The following C3orf85 variants were observed in gnomAD, a reference collection of about 807,000 sequenced individuals.
The protein encoded by C3orf85 is uncharacterized protein C3orf85.
A neutral mutation model predicts 1.7 loss-of-function variants in C3orf85; 1 was observed. That is an observed-to-expected ratio of 0.60 (90% CI 0.21 to 2.86). C3orf85 has a LOEUF of 2.86. C3orf85 is among the 30% of genes most tolerant of loss of function. The pLI is 0.22. For missense variants in C3orf85, 29 were observed against 21.3 expected (o/e 1.36, Z -0.72); for synonymous variants, 17 against 8.0 (o/e 2.13, Z -1.90).
intron 2 of C3orf85, among the ~76,000 whole-genome samples, chr3:109,137,986 G>T (rs910104355): frequency 1.3e-5 from 2 of 152,074 alleles, no homozygotes; most frequent in Admixed American, 6.6e-5. Flanking sequence ...TTTAGAGGGG[G>T]TAACGGTGGT....
chr3:109,147,682 T>C (rs1706815466), intron 2 of C3orf85, among the ~76,000 whole-genome samples: 1 of 152,116 alleles, frequency 6.6e-6, no homozygotes, highest in African/African-American at 2.4e-5. Flanking sequence ...TTCGATTTGA[T>C]GGTGAATTGA....
chr3:109,144,872 G>GA lies in C3orf85; in HGVS notation c.50-3374dup, dbSNP rs926964189. On this transcript the variant is annotated intron_variant, in intron 2 of 3. Coordinates refer to ENST00000622536, the MANE Select transcript of C3orf85 (RefSeq NM_001351622.2). ...TTTGCACAGCCACTAATTTTGTTTT[G>GA]AAAAAAACACCTATTTATTAACAGA... 1.4e-4 allele frequency among the ~76,000 whole-genome samples: 21 copies of GA among 151,898 alleles called. No homozygotes were observed. The South Asian group carries it at 3.5e-3, about 26-fold the overall frequency.
chr3:109,137,570 TTA>T (rs1387008760), intron 2 of C3orf85, among the ~76,000 whole-genome samples: 1 of 148,464 alleles, frequency 6.7e-6, no homozygotes, highest in Non-Finnish European at 1.5e-5. Flanking sequence ...TGCACAAAAA[TTA>T]TATTTTTCCT....
intron 2 of C3orf85, among the ~76,000 whole-genome samples, chr3:109,145,211 A>C (rs1706785087): frequency 6.6e-6 from 1 of 152,142 alleles, no homozygotes; most frequent in Non-Finnish European, 1.5e-5. Context: ...CACTGACAAA[A>C]GGATCTTTCA....
chr3:109,151,077 A>C lies in C3orf85; in HGVS notation c.*1183A>C, dbSNP rs543665037. ...AGTGAGAAATTTAAGGCTAATTTAT[A>C]ACTTATTAAGTTAACTGCTATCCAT... On this transcript the variant is annotated 3_prime_UTR_variant, in exon 4 of 4. Transcript: ENST00000622536. 9.2e-5 allele frequency among the ~76,000 whole-genome samples: 14 copies of C among 152,354 alleles called. No individual in the cohort carries two copies. The highest frequency in any genetic ancestry group is 3.4e-3 in the Middle Eastern group (1 of 294).
chr3:109,137,495 A>C (rs1559968010), intron 2 of C3orf85, among the ~76,000 whole-genome samples: 1 of 151,680 alleles, frequency 6.6e-6, no homozygotes, highest in Non-Finnish European at 1.5e-5. Context: ...ATAATTTATA[A>C]ATATTTCTGA....
chr3:109,140,503 C>T (rs541643983), intron 2 of C3orf85, among the ~76,000 whole-genome samples: 1 of 152,256 alleles, frequency 6.6e-6, no homozygotes, highest in South Asian at 2.1e-4. Context: ...CCCCTTTATA[C>T]TTGGTTGTCT....
intron 2 of C3orf85, among the ~76,000 whole-genome samples, chr3:109,141,048 G>A (rs1706738721): frequency 6.6e-6 from 1 of 152,184 alleles, no homozygotes; most frequent in African/African-American, 2.4e-5. Context: ...GTGGAGTGGT[G>A]TGATCTCAGT....
Position 109,150,246 on chromosome 3 carries a change from C to T in C3orf85, c.*352C>T, listed in dbSNP as rs1277743354. On this transcript the variant is annotated 3_prime_UTR_variant, in exon 4 of 4. Coordinates refer to ENST00000622536, the MANE Select transcript of C3orf85 (RefSeq NM_001351622.2). ...GTTCATAGCTTTTACTCTCTATTGC[C>T]TCTTCTTTGAGAGAGTTTTTTAATT... 6.4e-6 allele frequency: 1 copy of T among 156,608 alleles called. No homozygotes were observed. The highest frequency in any genetic ancestry group is 1.4e-5 in the Non-Finnish European group (1 of 71,118). 9.7% of individuals were successfully genotyped at this position (156,608 alleles called of 1,614,324 possible).
At chr3:109,144,178 A>G (rs909591574) in intron 2 of C3orf85, among the ~76,000 whole-genome samples, 1 of 152,190 alleles carries the variant, frequency 6.6e-6, no homozygotes, top group Admixed American at 6.5e-5. Flanking sequence ...AACCCCAGCA[A>G]TATTAGATAG....
In C3orf85 at chr3:109,139,581, G is replaced by T. The variant is rs115011271; in HGVS notation, c.49+2685G>T. ...TTAAGATTTATACTGGGTTTTTTTT[G>T]TTGTTTCTCATTTGTGTATTTTTTT... On this transcript the variant is annotated intron_variant, in intron 2 of 3. Transcript: ENST00000622536. Among the ~76,000 whole-genome samples the T allele has an allele frequency of 6.4e-3, 973 of 152,114 alleles. 8 individuals carry two copies. The highest frequency in any genetic ancestry group is 0.051 in the Middle Eastern group (15 of 294).
intron 2 of C3orf85, among the ~76,000 whole-genome samples, chr3:109,142,757 G>C (rs1295712475): frequency 6.7e-6 from 1 of 148,592 alleles, no homozygotes; most frequent in African/African-American, 2.5e-5. Flanking sequence ...ACAGACTATT[G>C]GGTTCTTTAA....
intron 2 of C3orf85, among the ~76,000 whole-genome samples, chr3:109,139,066 G>A (rs1222400622): frequency 1.3e-5 from 2 of 152,190 alleles, no homozygotes; most frequent in Non-Finnish European, 2.9e-5. Flanking sequence ...TAGATGCTAT[G>A]CTCCTCATTT....
chr3:109,148,729 A>T, intron 3 of C3orf85: 1 of 253,642 alleles, frequency 3.9e-6, no homozygotes, highest in East Asian at 1.0e-4. Flanking sequence ...ACCTACCTAG[A>T]CTATAAAGGT....
At chr3:109,146,625 T>C (rs376815359) in intron 2 of C3orf85, among the ~76,000 whole-genome samples, 1 of 152,156 alleles carries the variant, frequency 6.6e-6, no homozygotes, top group Non-Finnish European at 1.5e-5. Flanking sequence ...TTCCTTGTCA[T>C]GTGGTCTTCT....
chr3:109,138,217 AT>A (rs1559968246), intron 2 of C3orf85, among the ~76,000 whole-genome samples: 3 of 152,230 alleles, frequency 2.0e-5, no homozygotes, highest in Non-Finnish European at 2.9e-5. Context: ...CTAAAAAAAA[AT>A]AATAAAGTTA....
At chr3:109,141,132 A>G (rs1043633204) in intron 2 of C3orf85, among the ~76,000 whole-genome samples, 4 of 152,066 alleles carry the variant, frequency 2.6e-5, no homozygotes, top group Non-Finnish European at 5.9e-5. Flanking sequence ...GATTACAGGC[A>G]TGCACAACCA....
rs148573166 is a variant in C3orf85, at chr3:109,148,438, C to T, written c.183+52C>T. 880 of 701,144 alleles carry T rather than the reference C, an allele frequency of 1.3e-3. 2 individuals carry two copies. Among genetic ancestry groups the T allele is most frequent in the Non-Finnish European group, 1.3e-3 (514 of 384,148 alleles). The allele number at this position is 701,144 out of a possible 1,614,324, so 43.4% of individuals were successfully genotyped here. A position where few individuals can be genotyped will look rare whatever the true frequency, so the allele number is the denominator to read the frequency against. ...TTCACCATTTATCTTTTTAAATAGT[C>T]ATTGCATTAGCTGACCACTAATTAA... On this transcript the variant is annotated intron_variant, in intron 3 of 3. Transcript: ENST00000622536.
intron 2 of C3orf85, among the ~76,000 whole-genome samples, chr3:109,147,205 C>T (rs1029665129): frequency 5.1e-4 from 77 of 152,150 alleles, no homozygotes; most frequent in African/African-American, 1.7e-3. Flanking sequence ...TCAATAACAA[C>T]ATCTTCTCCT....
Sources: allele counts gnomAD v4.1 joint callset (sites outside exome capture counted in the v4.1 genomes callset), GRCh38; gene constraint gnomAD v4.1.1; transcripts MANE v1.5; gene names NCBI Gene and HGNC (gene_info 2026-07-23, HGNC 2026-07-21).